GBE1: variants seen among roughly 807,000 people sequenced by gnomAD.
The protein encoded by GBE1 is 1,4-alpha-glucan branching enzyme 1, also known as 1,4-alpha-glucan-branching enzyme.
In GBE1, 70 loss-of-function variants were observed where a neutral mutation model predicts 88.8. The observed-to-expected ratio is 0.79, with a 90% CI of 0.65 to 0.96. GBE1 has a LOEUF of 0.96. GBE1 is among the 40% of genes least tolerant of loss of function. The pLI is 0.00. For synonymous variants in GBE1, 284 were observed against 300.1 expected (o/e 0.95, Z 0.56); for missense variants, 872 against 871.0 (o/e 1.00, Z -0.01).
Position 81,643,095 on chromosome 3 carries a change from T to C in GBE1, c.783-105A>G, listed in dbSNP as rs114861749. 1,981 of 753,612 alleles carry C rather than the reference T, an allele frequency of 2.6e-3. 23 individuals carry two copies. In the African/African-American group the frequency reaches 0.032, roughly 12 times the overall value. The allele number at this position is 753,612 out of a possible 1,614,324, so 46.7% of individuals were successfully genotyped here. On this transcript the variant is annotated intron_variant, in intron 6 of 15. Transcript: ENST00000429644. ...ATCGCAGTACTAGATACTTTAAATA[T>C]CCAAACAGCATGTGACATGATACCT...
chr3:81,627,842 AG>A (rs1704440758), intron 7 of GBE1, among the ~76,000 whole-genome samples: 1 of 151,648 alleles, frequency 6.6e-6, no homozygotes, highest in Non-Finnish European at 1.5e-5. Flanking sequence ...TGCAGTGGGC[AG>A]TGGTGCAATC....
chr3:81,500,319 T>A (rs1357190883), intron 14 of GBE1, among the ~76,000 whole-genome samples: 6 of 152,116 alleles, frequency 3.9e-5, no homozygotes, highest in Non-Finnish European at 7.3e-5. Context: ...AGTCACTCAA[T>A]ATAGCTGAAA....
intron 2 of GBE1, among the ~76,000 whole-genome samples, chr3:81,684,558 C>T (rs1177471622): frequency 1.3e-5 from 2 of 152,044 alleles, no homozygotes; most frequent in Admixed American, 6.6e-5. Flanking sequence ...AGGGCTCTCC[C>T]GTCAAGATCT....
intron 7 of GBE1, among the ~76,000 whole-genome samples, chr3:81,613,243 T>C (rs1704205984): frequency 6.6e-6 from 1 of 151,852 alleles, no homozygotes; most frequent in Non-Finnish European, 1.5e-5. Context: ...AGAAAATACC[T>C]TGAGCAGAAT....
chr3:81,551,299 A>G (rs1703269507), intron 12 of GBE1, among the ~76,000 whole-genome samples: 1 of 152,154 alleles, frequency 6.6e-6, no homozygotes, highest in African/African-American at 2.4e-5. Flanking sequence ...ACACAACCAT[A>G]AAAATATCCA....
At chr3:81,504,750 C>G (rs565216260) in intron 14 of GBE1, among the ~76,000 whole-genome samples, 15 of 152,274 alleles carry the variant, frequency 9.9e-5, no homozygotes, top group African/African-American at 3.4e-4. Context: ...GGCATGAAGA[C>G]TCTTAAATTC....
chr3:81,549,083 T>A lies in GBE1; in HGVS notation c.1619-11988A>T, dbSNP rs191432651. 4.1e-5 allele frequency among the ~76,000 whole-genome samples: 6 copies of A among 145,902 alleles called. No homozygotes were observed. In the East Asian group the frequency reaches 1.0e-3, roughly 25 times the overall value. On this transcript the variant is annotated intron_variant, in intron 12 of 15. Coordinates refer to ENST00000429644, the MANE Select transcript of GBE1 (RefSeq NM_000158.4). The stretch of plus-strand genomic sequence containing the variant: ...TCTTGCTCTGTCACCTAGGCTAGAG[T>A]GCAGTGGTGTGATCTCACTTACTGC...
At chr3:81,676,533 AT>A (rs1705254517) in intron 2 of GBE1, among the ~76,000 whole-genome samples, 2 of 152,090 alleles carry the variant, frequency 1.3e-5, no homozygotes, top group African/African-American at 2.4e-5. Context: ...CTCTTTTAAA[AT>A]AAAAATATAA....
At chr3:81,612,670 T>C (rs1704198775) in intron 7 of GBE1, 2 of 545,292 alleles carry the variant, frequency 3.7e-6, no homozygotes, top group Admixed American at 2.1e-5. Context: ...TCTCCTCACA[T>C]TAAGTCTATT....
intron 14 of GBE1, among the ~76,000 whole-genome samples, chr3:81,519,760 G>A (rs1702847841): frequency 6.6e-6 from 1 of 151,082 alleles, no homozygotes; most frequent in African/African-American, 2.4e-5. Flanking sequence ...TTTTCTTCTT[G>A]TGGAAGATGG....
chr3:81,694,081 C>T (rs1470814917), intron 2 of GBE1, among the ~76,000 whole-genome samples: 1 of 151,932 alleles, frequency 6.6e-6, no homozygotes, highest in Middle Eastern at 3.2e-3. Context: ...TTTTTGTAAG[C>T]CTGAAACTCT....
At chr3:81,566,866 C>T (rs1359118752) in intron 12 of GBE1, among the ~76,000 whole-genome samples, 2 of 152,056 alleles carry the variant, frequency 1.3e-5, no homozygotes, top group Non-Finnish European at 2.9e-5. Flanking sequence ...TTTAGGCAGC[C>T]CCTTTCCCTT....
chr3:81,728,906 CCT>C (rs1706150629), intron 1 of GBE1, among the ~76,000 whole-genome samples: 1 of 151,856 alleles, frequency 6.6e-6, no homozygotes, highest in Non-Finnish European at 1.5e-5. Context: ...ATTCACCCCC[CCT>C]TTTTTTTTTG....
At chr3:81,663,465 C>T (rs1705059362) in intron 3 of GBE1, among the ~76,000 whole-genome samples, 1 of 152,086 alleles carries the variant, frequency 6.6e-6, no homozygotes, top group Admixed American at 6.5e-5. Context: ...AGAGCCAGAG[C>T]CACTGAAGGG....
At chr3:81,566,314 G>T (rs1703494970) in intron 12 of GBE1, among the ~76,000 whole-genome samples, 1 of 152,102 alleles carries the variant, frequency 6.6e-6, no homozygotes, top group Non-Finnish European at 1.5e-5. Flanking sequence ...CAATTTCTAG[G>T]TATTTGTCAT....
chr3:81,586,974 T>C (rs1317672383), intron 9 of GBE1, among the ~76,000 whole-genome samples: 1 of 151,984 alleles, frequency 6.6e-6, no homozygotes, highest in Non-Finnish European at 1.5e-5. Context: ...ATATTTTTGA[T>C]AGAGATGGGG....
chr3:81,653,421 G>C (rs1704879572), intron 3 of GBE1, among the ~76,000 whole-genome samples: 1 of 152,066 alleles, frequency 6.6e-6, no homozygotes, highest in Non-Finnish European at 1.5e-5. Context: ...AAGAGTTCAA[G>C]GGTACAGTGA....
At chr3:81,671,000 T>A (rs569329876) in intron 2 of GBE1, 47 bp from the exon 3 acceptor site, 2 of 811,628 alleles carry the variant, frequency 2.5e-6, no homozygotes, top group Non-Finnish European at 3.7e-6. Context: ...ATAGGACTAA[T>A]AGTTAATGAA....
intron 7 of GBE1, among the ~76,000 whole-genome samples, chr3:81,621,679 C>T (rs1704335924): frequency 6.6e-6 from 1 of 152,162 alleles, no homozygotes; most frequent in Non-Finnish European, 1.5e-5. Context: ...CGAATCATTC[C>T]TTTACATCAC....
Sources: gnomAD v4.1 joint callset for allele counts (sites outside exome capture counted in the v4.1 genomes callset) on GRCh38, gnomAD v4.1.1 for gene constraint, MANE v1.5 for transcripts, NCBI Gene and HGNC (gene_info 2026-07-23, HGNC 2026-07-21) for gene names.